The following RBFOX1 variants were observed in gnomAD, a reference collection of about 807,000 sequenced individuals.
RBFOX1 encodes RNA binding protein fox-1 homolog 1.
A neutral mutation model predicts 57.7 loss-of-function variants in RBFOX1; 8 were observed. The observed-to-expected ratio is 0.14, with a 90% CI of 0.08 to 0.25. The LOEUF (loss-of-function observed/expected upper bound fraction) is 0.25, where lower values mean the gene tolerates loss of function less well. RBFOX1 is among the 10% of genes least tolerant of loss of function. RBFOX1 has a pLI of 1.00. For synonymous variants in RBFOX1, 326 were observed against 222.4 expected, an observed-to-expected ratio of 1.47 and a Z score of -4.15; for missense variants, 611 against 548.5, an observed-to-expected ratio of 1.11 and a Z score of -1.14.
chr16:6,395,991 G>A lies in RBFOX1; in HGVS notation c.-64+78934G>A, dbSNP rs1040837852. Among the ~76,000 whole-genome samples, 40 of 149,528 alleles carry A rather than the reference G, an allele frequency of 2.7e-4. 1 individual carries two copies. The highest frequency in any genetic ancestry group is 9.9e-4 in the African/African-American group (40 of 40,446). ...TGAGGCAGTAGAATTACTTGAATCC[G>A]GGAGGTGGAAGTTGCAGTGAGCTGA... On this transcript the variant is annotated intron_variant, in intron 2 of 15. Coordinates refer to ENST00000550418, the MANE Select transcript of RBFOX1 (RefSeq NM_018723.4).
chr16:6,872,111 T>C (rs1389035726), intron 3 of RBFOX1, among the ~76,000 whole-genome samples: 1 of 152,178 alleles, frequency 6.6e-6, no homozygotes, highest in East Asian at 1.9e-4. Context: ...ATGGTACCTG[T>C]TATGTTTTAA....
At chr16:7,608,973 G>C (rs948774148) in intron 10 of RBFOX1, among the ~76,000 whole-genome samples, 2 of 152,092 alleles carry the variant, frequency 1.3e-5, no homozygotes, top group African/African-American at 2.4e-5. Context: ...GTTAATTTCT[G>C]GGATCGGGGG....
chr16:5,339,930 G>T (rs1420444998), intron 1 of RBFOX1, among the ~76,000 whole-genome samples: 2 of 152,064 alleles, frequency 1.3e-5, no homozygotes, highest in African/African-American at 4.8e-5. Flanking sequence ...TGGGTGCTTT[G>T]GGAGTCCCAT....
At chr16:6,528,996 C>A (rs2096619573) in intron 2 of RBFOX1, among the ~76,000 whole-genome samples, 2 of 152,162 alleles carry the variant, frequency 1.3e-5, no homozygotes, top group South Asian at 2.1e-4. Flanking sequence ...AACAATTAAT[C>A]CTCCTTGGCA....
intron 2 of RBFOX1, among the ~76,000 whole-genome samples, chr16:6,346,171 A>G (rs2085337490): frequency 6.6e-6 from 1 of 152,082 alleles, no homozygotes; most frequent in South Asian, 2.1e-4. Context: ...GGCCCAAGGT[A>G]TTTTCCTTTC....
At chr16:6,923,392 G>T (rs2074914882) in intron 3 of RBFOX1, among the ~76,000 whole-genome samples, 2 of 152,132 alleles carry the variant, frequency 1.3e-5, no homozygotes, top group Admixed American at 1.3e-4. Flanking sequence ...AAATTAGCAG[G>T]CATGGTGGGG....
chr16:6,688,063 A>G (rs1213890039), intron 3 of RBFOX1, among the ~76,000 whole-genome samples: 1 of 152,186 alleles, frequency 6.6e-6, no homozygotes, highest in African/African-American at 2.4e-5. Flanking sequence ...TGCCATAGAC[A>G]AATATTTGAG....
intron 2 of RBFOX1, among the ~76,000 whole-genome samples, chr16:5,526,871 C>T (rs2044270284): frequency 6.6e-6 from 1 of 152,210 alleles, no homozygotes; most frequent in South Asian, 2.1e-4. Flanking sequence ...GCATGGGAAT[C>T]TACTGCTGGC....
At chr16:5,957,959 C>A (rs552627861) in intron 4 of RBFOX1, among the ~76,000 whole-genome samples, 1 of 152,290 alleles carries the variant, frequency 6.6e-6, no homozygotes, top group African/African-American at 2.4e-5. Context: ...CTTCCCCCCA[C>A]CATCCTCTCA....
At chr16:6,503,315 T>C (rs528705943) in intron 2 of RBFOX1, among the ~76,000 whole-genome samples, 6 of 152,316 alleles carry the variant, frequency 3.9e-5, no homozygotes, top group African/African-American at 1.4e-4. Context: ...CCAGACGAGA[T>C]GGGATAAAGG....
intron 3 of RBFOX1, among the ~76,000 whole-genome samples, chr16:6,812,196 T>A (rs1223133360): frequency 6.6e-6 from 1 of 152,214 alleles, no homozygotes; most frequent in Non-Finnish European, 1.5e-5. Flanking sequence ...TTTGTCCTCC[T>A]GTTAGAATGA....
chr16:5,391,175 G>A (rs2066397643), intron 1 of RBFOX1, among the ~76,000 whole-genome samples: 1 of 152,166 alleles, frequency 6.6e-6, no homozygotes, highest in Non-Finnish European at 1.5e-5. Flanking sequence ...AGAAACTTGG[G>A]GCATTAGTTT....
chr16:6,845,486 A>G (rs1395328508), intron 3 of RBFOX1, among the ~76,000 whole-genome samples: 1 of 152,062 alleles, frequency 6.6e-6, no homozygotes, highest in African/African-American at 2.4e-5. Flanking sequence ...GATCAGATGG[A>G]TGGGGGTGTG....
intron 3 of RBFOX1, among the ~76,000 whole-genome samples, chr16:5,652,978 C>G (rs910324060): frequency 6.6e-6 from 1 of 152,166 alleles, no homozygotes; most frequent in African/African-American, 2.4e-5. Context: ...CACACTCAAC[C>G]TGCTGAGCTG....
rs1039411719 is a variant in RBFOX1 at position 7,227,394 on chromosome 16, C to T, written c.27+175296C>T. Among the ~76,000 whole-genome samples the T allele has an allele frequency of 2.0e-5, 3 of 151,222 alleles. No homozygotes were observed. The Admixed American group carries it at 2.0e-4, about 10-fold the overall frequency. On this transcript the variant is annotated intron_variant, in intron 4 of 15. Coordinates refer to ENST00000550418, the MANE Select transcript of RBFOX1 (RefSeq NM_018723.4). ...CACTGCATAATCCTCCTCTCGTAAC[C>T]TTCAACTCCACAATGCAGGAATTTT...
At chr16:7,554,530 T>G (rs1412351137) in intron 5 of RBFOX1, among the ~76,000 whole-genome samples, 1 of 152,120 alleles carries the variant, frequency 6.6e-6, no homozygotes, top group African/African-American at 2.4e-5. Flanking sequence ...AGACTTAGCT[T>G]CTCTAGATCT....
In RBFOX1 at chr16:6,503,889, G is replaced by A. The variant is rs534509236; in HGVS notation, c.-63-150714G>A. Among the ~76,000 whole-genome samples, 10 of 152,302 alleles carry A rather than the reference G, an allele frequency of 6.6e-5. No individual in the cohort carries two copies. In the South Asian group the frequency reaches 2.1e-3, roughly 32 times the overall value. On this transcript the variant is annotated intron_variant, in intron 2 of 15. Coordinates refer to ENST00000550418, the MANE Select transcript of RBFOX1 (RefSeq NM_018723.4). Reference sequence around the variant, plus strand: ...GCCTCTTTAAGGCAAGCCATGCACTGAAGGGAATAATGCTCTACGAGGAGG... The same window carrying A: ...GCCTCTTTAAGGCAAGCCATGCACTAAAGGGAATAATGCTCTACGAGGAGG...
intron 4 of RBFOX1, among the ~76,000 whole-genome samples, chr16:7,344,944 C>A (rs958130554): frequency 6.6e-6 from 1 of 151,976 alleles, no homozygotes; most frequent in Non-Finnish European, 1.5e-5. Context: ...GTTTTTCCCC[C>A]ACTGTCTCAC....
intron 2 of RBFOX1, among the ~76,000 whole-genome samples, chr16:5,587,983 A>C (rs2046888791): frequency 1.3e-5 from 2 of 152,166 alleles, no homozygotes; most frequent in African/African-American, 2.4e-5. Flanking sequence ...GATTCGTGGA[A>C]AAACAAAGGT....
Sources: gnomAD v4.1 joint callset for allele counts (sites outside exome capture counted in the v4.1 genomes callset) on GRCh38, gnomAD v4.1.1 for gene constraint, MANE v1.5 for transcripts, NCBI Gene and HGNC (gene_info 2026-07-23, HGNC 2026-07-21) for gene names.